TNR: variants seen among roughly 807,000 people sequenced by gnomAD.
TNR encodes the protein tenascin-R.
TNR carries 45 observed loss-of-function variants against 150.4 expected under a neutral mutation model. That is an observed-to-expected ratio of 0.30 (90% CI 0.24 to 0.38). The LOEUF is 0.38. TNR is among the 10% of genes least tolerant of loss of function. TNR has a pLI of 1.00. For synonymous variants in TNR, 687 were observed against 678.4 expected (o/e 1.01, Z -0.20); for missense variants, 1,544 against 1,759.1 (o/e 0.88, Z 2.19).
At chr1:175,522,104 C>T (rs1659661364) in intron 2 of TNR, among the ~76,000 whole-genome samples, 1 of 152,102 alleles carries the variant, frequency 6.6e-6, no homozygotes, top group Non-Finnish European at 1.5e-5. Context: ...TCCTTTTATC[C>T]ACCCCACTCC....
At chr1:175,633,727 G>A (rs556410956) in intron 1 of TNR, among the ~76,000 whole-genome samples, 24 of 152,294 alleles carry the variant, frequency 1.6e-4, no homozygotes, top group Admixed American at 1.1e-3. Flanking sequence ...AAAGCAGAGA[G>A]AAGAAGAGAA....
At chr1:175,483,804 T>G (rs1471522987) in intron 2 of TNR, among the ~76,000 whole-genome samples, 1 of 152,162 alleles carries the variant, frequency 6.6e-6, no homozygotes, top group Non-Finnish European at 1.5e-5. Context: ...GCTGAGCATC[T>G]CTGAGGCTAG....
chr1:175,615,974 T>C (rs901411347), intron 1 of TNR, among the ~76,000 whole-genome samples: 3 of 152,220 alleles, frequency 2.0e-5, no homozygotes, highest in African/African-American at 7.2e-5. Context: ...TAGGTAGATA[T>C]TAAATGTGTT....
intron 2 of TNR, among the ~76,000 whole-genome samples, chr1:175,444,379 G>A (rs1031068055): frequency 1.3e-5 from 2 of 152,118 alleles, no homozygotes; most frequent in East Asian, 1.9e-4. Flanking sequence ...TCAGCTGAAC[G>A]GAATCTGGGG....
chr1:175,690,092 T>G (rs539992065), intron 1 of TNR, among the ~76,000 whole-genome samples: 1 of 152,306 alleles, frequency 6.6e-6, no homozygotes, highest in Non-Finnish European at 1.5e-5. Flanking sequence ...CAGGCAAAAT[T>G]ACAAGTTCAT....
At chr1:175,374,611 C>A (rs1331824427) in intron 9 of TNR, among the ~76,000 whole-genome samples, 3 of 152,176 alleles carry the variant, frequency 2.0e-5, no homozygotes, top group Non-Finnish European at 4.4e-5. Context: ...TGTTTTCTTG[C>A]AGTCCTATGT....
At chr1:175,325,014 CA>C in intron 21 of TNR, among the ~76,000 whole-genome samples, 1 of 152,266 alleles carries the variant, frequency 6.6e-6, no homozygotes, top group Middle Eastern at 3.4e-3. Flanking sequence ...AGAGGGGCAT[CA>C]GCAAATTAGA....
At chr1:175,552,794 C>G (rs116049220) in intron 1 of TNR, among the ~76,000 whole-genome samples, 365 of 152,346 alleles carry the variant, frequency 2.4e-3, no homozygotes, top group African/African-American at 7.8e-3. Context: ...CCCGTTCTGA[C>G]TTTTTGGATC....
At chr1:175,489,319 G>A (rs1027506960) in intron 2 of TNR, among the ~76,000 whole-genome samples, 17 of 152,180 alleles carry the variant, frequency 1.1e-4, no homozygotes, top group Admixed American at 1.1e-3. Context: ...GCCATCTCAT[G>A]CAAGAAAGAC....
At chr1:175,531,785 T>C (rs990349609) in intron 1 of TNR, among the ~76,000 whole-genome samples, 7 of 152,252 alleles carry the variant, frequency 4.6e-5, no homozygotes, top group African/African-American at 1.7e-4. Flanking sequence ...ATGTGCATTA[T>C]ATTTTCCTTC....
At chr1:175,725,793 T>C (rs965989969) in intron 1 of TNR, among the ~76,000 whole-genome samples, 1 of 152,192 alleles carries the variant, frequency 6.6e-6, no homozygotes, top group Admixed American at 6.5e-5. Flanking sequence ...ATGTGTTACA[T>C]GTCTCCCCTC....
At chr1:175,734,593 G>A (rs1191235013) in intron 1 of TNR, among the ~76,000 whole-genome samples, 4 of 152,234 alleles carry the variant, frequency 2.6e-5, no homozygotes, top group South Asian at 4.1e-4. Flanking sequence ...GAGCTCTGAG[G>A]AGCAGGAACC....
chr1:175,383,650 A>T (rs2102028854), intron 8 of TNR, among the ~76,000 whole-genome samples: 1 of 152,366 alleles, frequency 6.6e-6, no homozygotes, highest in Admixed American at 6.5e-5. Flanking sequence ...TTGCCTGTGC[A>T]ATTAGTGCAC....
At chr1:175,580,766 G>A (rs1305235774) in intron 1 of TNR, among the ~76,000 whole-genome samples, 1 of 152,218 alleles carries the variant, frequency 6.6e-6, no homozygotes, top group African/African-American at 2.4e-5. Context: ...GTGGGATACG[G>A]TCAATTAAGG....
At chr1:175,392,828 T>C (rs1321331399) in intron 6 of TNR, among the ~76,000 whole-genome samples, 1 of 152,188 alleles carries the variant, frequency 6.6e-6, no homozygotes, top group Admixed American at 6.5e-5. Context: ...GTAGTGTCTA[T>C]AAATTAAACT....
chr1:175,659,480 C>A (rs1314957019), intron 1 of TNR, among the ~76,000 whole-genome samples: 4 of 152,190 alleles, frequency 2.6e-5, no homozygotes, highest in African/African-American at 9.6e-5. Context: ...GACCTATGGG[C>A]TCCACTTCAT....
intron 1 of TNR, among the ~76,000 whole-genome samples, chr1:175,578,931 G>T (rs1295192229): frequency 6.6e-6 from 1 of 152,158 alleles, no homozygotes; most frequent in Admixed American, 6.5e-5. Flanking sequence ...AGGAACCCTG[G>T]ATGTCATGGC....
chr1:175,650,830 C>G (rs1168834673), intron 1 of TNR, among the ~76,000 whole-genome samples: 9,397 of 43,398 alleles, frequency 0.22, 41 homozygotes, highest in Middle Eastern at 0.31. Flanking sequence ...CTCCTTACTA[C>G]CCCTCCCCCA....
intron 18 of TNR, among the ~76,000 whole-genome samples, chr1:175,341,809 G>T (rs756237432): frequency 3.9e-5 from 6 of 152,192 alleles, no homozygotes; most frequent in African/African-American, 4.8e-5. Context: ...AGAAGTGCAG[G>T]CGGCCACCTC....
Sources: allele counts gnomAD v4.1 joint callset (sites outside exome capture counted in the v4.1 genomes callset), GRCh38; gene constraint gnomAD v4.1.1; transcripts MANE v1.5; gene names NCBI Gene and HGNC (gene_info 2026-07-23, HGNC 2026-07-21).